Variants in COPB2 observed in about 807,000 individuals in gnomAD.
The protein encoded by COPB2 is coatomer subunit beta'.
COPB2 carries 16 observed loss-of-function variants against 120.8 expected under a neutral mutation model. The observed-to-expected ratio is 0.13, with a 90% CI of 0.09 to 0.20. The LOEUF (loss-of-function observed/expected upper bound fraction) is 0.20. Among genes scored for constraint, COPB2 ranks in the 10% least tolerant of loss-of-function variants. The probability of loss-of-function intolerance (pLI) is 1.00; values close to 1 mark genes in which losing one functional copy is unlikely to be tolerated. For missense variants in COPB2, 794 were observed against 1,076.5 expected (o/e 0.74, Z 3.67); for synonymous variants, 332 against 366.3 (o/e 0.91, Z 1.07).
In COPB2 at chr3:139,373,175, T is replaced by C. The variant is rs200351124; in HGVS notation, c.1094+38A>G. 2.4e-4 allele frequency: 380 copies of C among 1,599,966 alleles called. 1 individual carries two copies. In the African/African-American group the frequency reaches 4.6e-3, roughly 19 times the overall value. ...GTGGATCTGCAAACCTGTTCTAACA[T>C]ACACAGAAGCTGAGGGACAATTTTG... On this transcript the variant is annotated intron_variant, in intron 9 of 21. Transcript: ENST00000333188.
rs1326374443 is a variant in COPB2, at chr3:139,359,009, G to C, written c.2473C>G (p.Pro825Ala). 2 of 1,612,446 alleles carry C rather than the reference G, an allele frequency of 1.2e-6. No individual in the cohort carries two copies. Among genetic ancestry groups the C allele is most frequent in the Non-Finnish European group, 1.7e-6 (2 of 1,179,470 alleles). ...HADLWPAKQY[P>A]LVTPNEERNV... is the part of the protein sequence containing the mutation. The stretch of plus-strand genomic sequence containing the variant: ...TCCTGGCCACTCACCGTGACAAGTG[G>C]GTATTGTTTGGCTGGCCACAGATCA... The change falls in exon 19 of 22, where the codon CCA (proline) becomes GCA (alanine). Residue 825 changes from proline (P) to alanine (A), a missense_variant. Transcript: ENST00000333188.
chr3:139,359,653 T>G (rs1055644931), intron 17 of COPB2, among the ~76,000 whole-genome samples: 1 of 152,160 alleles, frequency 6.6e-6, no homozygotes, highest in Non-Finnish European at 1.5e-5. Context: ...TAGCAAATTT[T>G]AAAGGCATAA....
intron 8 of COPB2, 88 bp downstream of exon 8, chr3:139,373,578 A>G: frequency 6.3e-7 from 1 of 1,580,558 alleles, no homozygotes; most frequent in Non-Finnish European, 8.6e-7. Flanking sequence ...CAGTTTTATA[A>G]AACTGGTTAC....
intron 1 of COPB2, among the ~76,000 whole-genome samples, chr3:139,389,108 G>A (rs1271205844): frequency 2.0e-5 from 3 of 152,058 alleles, no homozygotes; most frequent in Non-Finnish European, 4.4e-5. Context: ...TTTGTTTTTG[G>A]CTTCTTTGCT....
intron 4 of COPB2, among the ~76,000 whole-genome samples, chr3:139,378,835 G>A (rs1332108712): frequency 6.6e-6 from 1 of 152,174 alleles, no homozygotes; most frequent in Non-Finnish European, 1.5e-5. Flanking sequence ...ACAGGAACTG[G>A]AGCAATCATT....
chr3:139,367,115 T>C lies in COPB2; in HGVS notation c.1576A>G (p.Thr526Ala). Reference protein sequence around the residue: ...VLGEIQEIVKTGLWVGDCFIY... With the variant: ...VLGEIQEIVKAGLWVGDCFIY... ...AAGCAATCGCCTACCCAAAGCCCTGTTTTCACAATTTCCTGAATCTCACCA... is the reference window on the plus strand; with the variant it reads ...AAGCAATCGCCTACCCAAAGCCCTGCTTTCACAATTTCCTGAATCTCACCA... The change falls in exon 14 of 22, where the codon ACA (threonine) becomes GCA (alanine). Residue 526 changes from threonine (T) to alanine (A), a missense_variant. Transcript: ENST00000333188. 1 of 1,613,846 alleles carries C rather than the reference T, an allele frequency of 6.2e-7. No homozygotes were observed. The highest frequency in any genetic ancestry group is 2.2e-5 in the East Asian group (1 of 44,862).
At chr3:139,387,627 T>C (rs1313737225) in intron 1 of COPB2, among the ~76,000 whole-genome samples, 4 of 152,224 alleles carry the variant, frequency 2.6e-5, no homozygotes, top group African/African-American at 9.6e-5. Flanking sequence ...GCCAGGGTCA[T>C]TGCTTATACA....
intron 2 of COPB2, chr3:139,381,741 C>G (rs948544929): frequency 6.6e-6 from 1 of 152,018 alleles, no homozygotes; most frequent in African/African-American, 2.4e-5. Context: ...AAGAAAAGTA[C>G]GCCTGGGCTT....
At chr3:139,367,229 T>C (rs1941534663) in intron 13 of COPB2, 84 bp from the exon 14 acceptor site, 4 of 1,448,092 alleles carry the variant, frequency 2.8e-6, no homozygotes, top group East Asian at 2.3e-5. Flanking sequence ...GAGGGTGATA[T>C]GGCAGAATAA....
chr3:139,373,447 A>T, intron 8 of COPB2, 35 bp from the exon 9 acceptor site: 1 of 1,609,510 alleles, frequency 6.2e-7, no homozygotes, highest in Non-Finnish European at 8.5e-7. Context: ...AGCAATGAAA[A>T]GGAAAATGAA....
At chr3:139,388,363 T>G (rs1320317416) in intron 1 of COPB2, 1 of 149,332 alleles carries the variant, frequency 6.7e-6, no homozygotes, top group South Asian at 2.1e-4. Context: ...TTCCATATTT[T>G]TTATAAAACA....
intron 1 of COPB2, among the ~76,000 whole-genome samples, chr3:139,388,796 CTTT>C (rs34994462): frequency 1.7e-4 from 24 of 141,308 alleles, no homozygotes; most frequent in Non-Finnish European, 2.0e-4. Context: ...CGGCTAATTT[CTTT>C]TTTTTTTTTT....
At chr3:139,362,723 A>G (rs1203288869) in intron 15 of COPB2, among the ~76,000 whole-genome samples, 2 of 152,208 alleles carry the variant, frequency 1.3e-5, no homozygotes, top group South Asian at 2.1e-4. Flanking sequence ...AACCTGGCAG[A>G]TAAAATATTC....
At chr3:139,372,694 GA>G in intron 9 of COPB2, among the ~76,000 whole-genome samples, 1 of 152,180 alleles carries the variant, frequency 6.6e-6, no homozygotes, top group East Asian at 1.9e-4. Flanking sequence ...CACTGTGCTA[GA>G]AACTCCTCTC....
chr3:139,359,265 T>C lies in COPB2; in HGVS notation c.2303+5A>G. ...ACATTTCTTCCTAAAATTAAAAGTC[T>C]GTACCTTGAAACCTGACTGGGTAAG... On this transcript the variant is annotated splice_donor_5th_base_variant and intron_variant, in intron 18 of 21. Transcript: ENST00000333188. 1 of 1,614,072 alleles carries C rather than the reference T, an allele frequency of 6.2e-7. No homozygotes were observed. The highest frequency in any genetic ancestry group is 8.5e-7 in the Non-Finnish European group (1 of 1,179,952).
Position 139,387,264 on chromosome 3 carries a change from GAAAAAGAAA to G in COPB2, c.3+2275_3+2283del, listed in dbSNP as rs201444173. On this transcript the variant is annotated intron_variant, in intron 1 of 21. Transcript: ENST00000333188. ...GAAGGAAGTAAGGAAGGAAAGAAAA[GAAAAAGAAA>G]AGAAAGAAAAGAAAGAAAGAACGAA... Among the ~76,000 whole-genome samples the G allele has an allele frequency of 9.8e-3, 1,484 of 151,692 alleles. 28 individuals are homozygous for G. The highest frequency in any genetic ancestry group is 0.033 in the African/African-American group (1,378 of 41,354).
intron 17 of COPB2, among the ~76,000 whole-genome samples, chr3:139,360,050 T>C (rs1448311787): frequency 2.0e-5 from 3 of 152,162 alleles, no homozygotes; most frequent in Admixed American, 6.5e-5. Flanking sequence ...AAAACAGTTA[T>C]AACTGTTTTC....
At chr3:139,370,352 G>A (rs1941601274) in intron 10 of COPB2, among the ~76,000 whole-genome samples, 1 of 152,184 alleles carries the variant, frequency 6.6e-6, no homozygotes, top group Non-Finnish European at 1.5e-5. Context: ...CACGTCCCAG[G>A]TAGGATGGCT....
At chr3:139,377,077 A>C (rs543454913) in intron 5 of COPB2, among the ~76,000 whole-genome samples, 180 of 152,336 alleles carry the variant, frequency 1.2e-3, no homozygotes, top group African/African-American at 4.2e-3. Flanking sequence ...TATGATAAAA[A>C]AAAGAAGCAT....
Sources: allele counts gnomAD v4.1 joint callset (sites outside exome capture counted in the v4.1 genomes callset), GRCh38; gene constraint gnomAD v4.1.1; transcripts MANE v1.5; gene names NCBI Gene and HGNC (gene_info 2026-07-23, HGNC 2026-07-21).